Variants in SGCB observed in about 807,000 individuals in gnomAD.
The protein encoded by SGCB is sarcoglycan beta, also known as beta-sarcoglycan.
In SGCB, 25 loss-of-function variants were observed where a neutral mutation model predicts 27.3. That is an observed-to-expected ratio of 0.92 (90% CI 0.67 to 1.28). The LOEUF is 1.28. Ranked by LOEUF, SGCB falls within the 50% of genes most tolerant of loss-of-function variation. SGCB has a pLI of 0.00. For synonymous variants in SGCB, 147 were observed against 133.5 expected, an observed-to-expected ratio of 1.10 and a Z score of -0.70; for missense variants, 436 against 402.1, an observed-to-expected ratio of 1.08 and a Z score of -0.72.
chr4:52,029,310 A>G (rs1187397799), intron 3 of SGCB, among the ~76,000 whole-genome samples: 2 of 152,192 alleles, frequency 1.3e-5, no homozygotes, highest in Admixed American at 6.5e-5. Context: ...CCCCAAAACT[A>G]CAGAGTATTC....
Position 52,021,286 on chromosome 4 carries a change from G to T in SGCB, c.*2671C>A, listed in dbSNP as rs995498513. Reference sequence around the variant, plus strand: ...CAGTGCAGGGATGAGCATACAGCAGGAAGAGGCGAAGTCAGCATTTCATTT... The same window carrying T: ...CAGTGCAGGGATGAGCATACAGCAGTAAGAGGCGAAGTCAGCATTTCATTT... On this transcript the variant is annotated 3_prime_UTR_variant, in exon 6 of 6. Transcript: ENST00000381431. The T allele has an allele frequency of 1.3e-5, 2 of 152,234 alleles. No homozygotes were observed. The highest frequency in any genetic ancestry group is 4.8e-5 in the African/African-American group (2 of 41,416). The allele number at this position is 152,234 out of a possible 1,614,324, so 9.4% of individuals were successfully genotyped here. A position where few individuals can be genotyped will look rare whatever the true frequency, so the allele number is the denominator to read the frequency against.
intron 2 of SGCB, among the ~76,000 whole-genome samples, chr4:52,030,428 T>A (rs923018436): frequency 3.9e-5 from 6 of 152,188 alleles, no homozygotes; most frequent in Non-Finnish European, 8.8e-5. Context: ...TATTGTTCAT[T>A]ACCAAACCAA....
chr4:52,026,009 A>G (rs225166), intron 5 of SGCB, among the ~76,000 whole-genome samples: 87,806 of 152,078 alleles, frequency 0.58, 28,326 homozygotes, highest in Middle Eastern at 0.78. Context: ...CTAGATATGT[A>G]ACTCTTAGTT....
intron 2 of SGCB, among the ~76,000 whole-genome samples, chr4:52,033,126 A>G (rs1737294431): frequency 6.6e-6 from 1 of 152,204 alleles, no homozygotes; most frequent in African/African-American, 2.4e-5. Flanking sequence ...GTTCTCTTCT[A>G]TTGAGTTGAT....
chr4:52,033,356 A>T, intron 2 of SGCB, 75 bp downstream of exon 2: 1 of 910,406 alleles, frequency 1.1e-6, no homozygotes. Flanking sequence ...GAGAAAATAA[A>T]GTCTATGATT....
In SGCB at chr4:52,028,730, C is replaced by A; in HGVS notation, c.621G>T (p.Arg207Ser). Reference sequence around the variant, plus strand: ...GTAAAACAAAGCCAATAAATCATACCCTTTCAGTAGATGCCTTTTGAACAT... The same window carrying A: ...GTAAAACAAAGCCAATAAATCATACACTTTCAGTAGATGCCTTTTGAACAT... ...SLNVQKASTE[R>S]ITSNATSDLN... Residue 207 changes from arginine (R) to serine (S), a missense_variant and splice_region_variant, in exon 4 of 6, where the codon AGG (arginine) becomes AGT (serine). Arg to Ser is a moderately radical substitution (Grantham distance 110, BLOSUM62 -1). Transcript: ENST00000381431. 2 of 1,602,206 alleles carry A rather than the reference C, an allele frequency of 1.2e-6. No homozygotes were observed. The highest frequency in any genetic ancestry group is 8.6e-7 in the Non-Finnish European group (1 of 1,169,448).
rs565847586 is a variant in SGCB, at chr4:52,038,126, C to A, written c.33+101G>T. 9.0e-5 allele frequency: 97 copies of A among 1,072,814 alleles called. 1 individual carries two copies. In the South Asian group the frequency reaches 3.9e-3, roughly 43 times the overall value. 66.5% of individuals were successfully genotyped at this position (1,072,814 alleles called of 1,614,324 possible). On this transcript the variant is annotated intron_variant, in intron 1 of 5. Coordinates refer to ENST00000381431, the MANE Select transcript of SGCB (RefSeq NM_000232.5). ...CCCCGCCGAACCCAGACCCTGCGGC[C>A]CGCGCCCCCCGCACCCCCGGCCAGG... is the stretch of plus-strand genomic sequence containing the variant.
At position 52,021,302 on chromosome 4, in the gene SGCB, C is replaced by CA. The variant is rs1736944197; in HGVS notation, c.*2654dup. The stretch of plus-strand genomic sequence containing the variant: ...ATACAGCAGGAAGAGGCGAAGTCAG[C>CA]ATTTCATTTACAGAAAAATACTATC... On this transcript the variant is annotated 3_prime_UTR_variant, in exon 6 of 6. Transcript: ENST00000381431. 1.3e-5 allele frequency: 2 copies of CA among 152,246 alleles called. No homozygotes were observed. Among genetic ancestry groups the CA allele is most frequent in the Admixed American group, 1.3e-4 (2 of 15,272 alleles). The allele number at this position is 152,246 out of a possible 1,614,324, so 9.4% of individuals were successfully genotyped here. A position where few individuals can be genotyped will look rare whatever the true frequency, so the allele number is the denominator to read the frequency against.
intron 1 of SGCB, 92 bp downstream of exon 1, chr4:52,038,135 C>G (rs1273038923): frequency 5.4e-6 from 6 of 1,116,880 alleles, no homozygotes; most frequent in African/African-American, 1.7e-5. Context: ...CCCGCGCCCC[C>G]CGCACCCCCG....
chr4:52,033,789 T>C, intron 1 of SGCB, 149 bp from the exon 2 acceptor site: 1 of 708,534 alleles, frequency 1.4e-6, no homozygotes, highest in Admixed American at 2.0e-5. Flanking sequence ...GAGTTGCAGT[T>C]CCAAATAAGG....
chr4:52,032,462 A>G (rs753029568), intron 2 of SGCB, among the ~76,000 whole-genome samples: 2 of 152,324 alleles, frequency 1.3e-5, no homozygotes, highest in African/African-American at 2.4e-5. Context: ...CTTTGGAACG[A>G]GCTTTTTAGA....
chr4:52,024,355 CCATAA>C (rs1382397968), intron 5 of SGCB, among the ~76,000 whole-genome samples, 195 bp from the exon 6 acceptor site: 2 of 152,090 alleles, frequency 1.3e-5, no homozygotes, highest in Non-Finnish European at 2.9e-5. Flanking sequence ...CTTCATATAT[CCATAA>C]CATATGTAAA....
chr4:52,027,604 T>A (rs1480698309), intron 5 of SGCB, among the ~76,000 whole-genome samples: 13 of 149,348 alleles, frequency 8.7e-5, no homozygotes, highest in Non-Finnish European at 3.0e-5. Flanking sequence ...TTTTTTTGCC[T>A]TCTAAAACAA....
At chr4:52,025,980 G>A (rs919388683) in intron 5 of SGCB, among the ~76,000 whole-genome samples, 1 of 152,154 alleles carries the variant, frequency 6.6e-6, no homozygotes, top group African/African-American at 2.4e-5. Context: ...TATCAAAATG[G>A]ATAATGTTAA....
chr4:52,033,104 C>A (rs1737293951), intron 2 of SGCB, among the ~76,000 whole-genome samples: 3 of 152,142 alleles, frequency 2.0e-5, no homozygotes, highest in Non-Finnish European at 2.9e-5. Context: ...GCAATAAAAT[C>A]ATCTTGGCAA....
intron 1 of SGCB, among the ~76,000 whole-genome samples, chr4:52,038,012 C>G (rs1737442079): frequency 6.6e-6 from 1 of 152,060 alleles, no homozygotes; most frequent in African/African-American, 2.4e-5. Context: ...CCGGGCCGAG[C>G]CCGAGGCCGC....
chr4:52,038,094 C>CCAGG, intron 1 of SGCB, 133 bp downstream of exon 1: 1 of 446,336 alleles, frequency 2.2e-6, no homozygotes, highest in Non-Finnish European at 3.0e-6. Flanking sequence ...CGCCCCGCCC[C>CCAGG]GATCGGCCCC....
chr4:52,028,173 T>C (rs1470500882), intron 4 of SGCB, 74 bp from the exon 5 acceptor site: 12 of 1,209,586 alleles, frequency 9.9e-6, no homozygotes, highest in Admixed American at 7.3e-5. Flanking sequence ...GATAGAGAAA[T>C]AGAAGCTTCA....
rs752109221 is a variant in SGCB, at chr4:52,029,685, T to C, written c.422A>G (p.Asn141Ser). The change falls in exon 3 of 6, where the codon AAC becomes AGC. Residue 141 changes from asparagine (N) to serine (S), a missense_variant. Physicochemically the swap from Asn to Ser is conservative, Grantham distance 46 (BLOSUM62 1). Transcript: ENST00000381431. ...RNENLVITGN[N>S]QPIVFQQGTT... Reference sequence around the variant, plus strand: ...GTTAATGTGGCAACTTACAGGCTGGTTGTTGCCAGTGATGACCAAATTTTC... The same window carrying C: ...GTTAATGTGGCAACTTACAGGCTGGCTGTTGCCAGTGATGACCAAATTTTC... 2 of 1,609,970 alleles carry C rather than the reference T, an allele frequency of 1.2e-6. No individual in the cohort carries two copies. Among genetic ancestry groups the C allele is most frequent in the South Asian group, 1.1e-5 (1 of 91,002 alleles).
Sources: allele counts gnomAD v4.1 joint callset (sites outside exome capture counted in the v4.1 genomes callset), GRCh38; gene constraint gnomAD v4.1.1; transcripts MANE v1.5; gene names NCBI Gene and HGNC (gene_info 2026-07-23, HGNC 2026-07-21).